The following ARAP2 variants were observed in gnomAD, a reference collection of about 807,000 sequenced individuals.
ARAP2 encodes ArfGAP with RhoGAP domain, ankyrin repeat and PH domain 2, also known as arf-GAP with Rho-GAP domain, ANK repeat and PH domain-containing protein 2.
Under a neutral mutation model 194.5 loss-of-function variants are expected in ARAP2, and 148 were observed. That is an observed-to-expected ratio of 0.76 (90% CI 0.67 to 0.87). The LOEUF is 0.87. ARAP2 is among the 40% of genes least tolerant of loss of function. ARAP2 has a pLI of 0.00. For synonymous variants in ARAP2, 695 were observed against 683.5 expected (o/e 1.02, Z -0.26); for missense variants, 2,128 against 1,989.7 (o/e 1.07, Z -1.32).
At chr4:36,093,235 A>T (rs1714225247) in intron 27 of ARAP2, among the ~76,000 whole-genome samples, 5 of 152,118 alleles carry the variant, frequency 3.3e-5, no homozygotes. Context: ...GGAGAGAATC[A>T]GGAAAAGTAA....
chr4:36,217,105 T>C (rs1748095802), intron 2 of ARAP2, among the ~76,000 whole-genome samples: 3 of 152,220 alleles, frequency 2.0e-5, no homozygotes, highest in Admixed American at 2.0e-4. Context: ...TGTTTATTGT[T>C]TGTGGTAAAA....
At position 36,213,087 on chromosome 4, in the gene ARAP2, A is replaced by G. The variant is rs566456365; in HGVS notation, c.1041+156T>C. ...ATGTATATTGAAAGAGACAGATTTT[A>G]CCATAATTTTACTGAACAAAAATTT... On this transcript the variant is annotated intron_variant, in intron 4 of 32. Transcript: ENST00000303965. Among the ~76,000 whole-genome samples the G allele has an allele frequency of 8.1e-4, 123 of 152,100 alleles. 1 individual carries two copies. Among genetic ancestry groups the G allele is most frequent in the Non-Finnish European group, 1.5e-3 (105 of 67,934 alleles).
intron 6 of ARAP2, among the ~76,000 whole-genome samples, chr4:36,204,853 G>C (rs1461589808): frequency 5.9e-5 from 9 of 151,768 alleles, no homozygotes; most frequent in Admixed American, 5.9e-4. Flanking sequence ...GCCAGGTGTG[G>C]TGGCAGGCGC....
chr4:36,014,229 GAAAGAAAGAAAGAAAGAAAGAAAGA>G lies in ARAP2; in HGVS notation n.1056+1132_1056+1156del, dbSNP rs1560263695. Among the ~76,000 whole-genome samples, 28 of 31,082 alleles carry G rather than the reference GAAAGAAAGAAAGAAAGAAAGAAAGA, an allele frequency of 9.0e-4. 1 individual carries two copies. The highest frequency in any genetic ancestry group is 1.7e-3 in the African/African-American group (27 of 15,492). The allele number at this position is 31,082 out of a possible 152,430, so 20.4% of individuals were successfully genotyped here. ...GTGACAAAGTGAGACCCTATCGAAA[GAAAGAAAGAAAGAAAGAAAGAAAGA>G]AAGAAAGAAAGAAAGAAAGAAAGAA... On this transcript the variant is annotated intron_variant and non_coding_transcript_variant, in intron 8 of 12. Coordinates refer to the ARAP2 transcript ENST00000503225.
At chr4:36,085,540 T>C (rs773107974) in intron 28 of ARAP2, among the ~76,000 whole-genome samples, 3 of 152,098 alleles carry the variant, frequency 2.0e-5, no homozygotes, top group Non-Finnish European at 4.4e-5. Context: ...CACTGCACCA[T>C]TGCTCTTTGT....
intron 1 of ARAP2, among the ~76,000 whole-genome samples, chr4:36,059,686 G>A (rs1237984334): frequency 6.6e-6 from 1 of 152,104 alleles, no homozygotes; most frequent in East Asian, 1.9e-4. Context: ...CCCAGTAAAG[G>A]AACTGAGAAG....
In ARAP2 at chr4:36,231,539, C is replaced by T. The variant is rs1449816162; in HGVS notation, c.-159-1894G>A. On this transcript the variant is annotated intron_variant, in intron 1 of 32. Coordinates refer to ENST00000303965, the MANE Select transcript of ARAP2 (RefSeq NM_015230.4). ...CAATAAGTGGACATAATGTATTCAGCCACTTTAGAATTTACAAACATGATA... is the reference window on the plus strand; with the variant it reads ...CAATAAGTGGACATAATGTATTCAGTCACTTTAGAATTTACAAACATGATA... Among the ~76,000 whole-genome samples, 6 of 152,116 alleles carry T rather than the reference C, an allele frequency of 3.9e-5. No individual in the cohort carries two copies. In the East Asian group the frequency reaches 9.7e-4, roughly 24 times the overall value.
At chr4:36,217,516 G>A (rs777819009) in intron 2 of ARAP2, among the ~76,000 whole-genome samples, 8 of 151,878 alleles carry the variant, frequency 5.3e-5, no homozygotes, top group Admixed American at 2.6e-4. Context: ...GGGAGACAGC[G>A]TCTCAAAAAT....
At chr4:36,021,734 T>C (rs1054866478) in intron 5 of ARAP2, among the ~76,000 whole-genome samples, 2 of 151,428 alleles carry the variant, frequency 1.3e-5, no homozygotes, top group African/African-American at 2.4e-5. Context: ...GGATATGTGA[T>C]ACATTGAACA....
At chr4:36,197,558 G>A (rs1743390791) in intron 6 of ARAP2, among the ~76,000 whole-genome samples, 1 of 152,202 alleles carries the variant, frequency 6.6e-6, no homozygotes, top group African/African-American at 2.4e-5. Flanking sequence ...CCTGAGTTCT[G>A]CTCTGGCCCA....
At chr4:36,172,266 T>G (rs1736830329) in intron 9 of ARAP2, among the ~76,000 whole-genome samples, 1 of 152,316 alleles carries the variant, frequency 6.6e-6, no homozygotes, top group South Asian at 2.1e-4. Flanking sequence ...GAATCGAAGC[T>G]GACCCATTTA....
At chr4:36,163,385 G>C (rs575363443) in intron 11 of ARAP2, among the ~76,000 whole-genome samples, 9 of 152,148 alleles carry the variant, frequency 5.9e-5, no homozygotes, top group Non-Finnish European at 1.2e-4. Context: ...AAGATAGTAA[G>C]TGACCACACC....
intron 26 of ARAP2, among the ~76,000 whole-genome samples, chr4:36,108,035 T>G (rs1271843335): frequency 2.0e-5 from 3 of 151,962 alleles, no homozygotes; most frequent in African/African-American, 7.2e-5. Flanking sequence ...TACATTATTA[T>G]TATTATTATT....
chr4:36,177,164 T>G (rs1738131200), intron 9 of ARAP2, among the ~76,000 whole-genome samples: 1 of 152,136 alleles, frequency 6.6e-6, no homozygotes. Context: ...GTTAAAATTT[T>G]AGTTTACCAT....
chr4:36,133,471 C>A, intron 19 of ARAP2, 82 bp from the exon 20 acceptor site: 2 of 1,255,480 alleles, frequency 1.6e-6, no homozygotes, highest in South Asian at 2.9e-5. Flanking sequence ...ACCCTAAAAT[C>A]CACACAATCA....
Position 36,102,173 on chromosome 4 carries a change from C to G in ARAP2, c.4285+5392G>C, listed in dbSNP as rs115050031. Among the ~76,000 whole-genome samples the G allele has an allele frequency of 5.2e-3, 796 of 152,070 alleles. 7 individuals carry two copies. The highest frequency in any genetic ancestry group is 0.018 in the African/African-American group (735 of 41,542). On this transcript the variant is annotated intron_variant, in intron 27 of 32. Transcript: ENST00000303965. ...TTAGGTTTAGGTATTTAGTTCCCTT[C>G]TAGACATATATCCTCAAACACACGT...
chr4:36,199,523 C>T (rs1270046724), intron 6 of ARAP2, among the ~76,000 whole-genome samples: 5 of 152,120 alleles, frequency 3.3e-5, no homozygotes, highest in Non-Finnish European at 4.4e-5. Context: ...AATTCCTGAC[C>T]TCATGATCTG....
intron 21 of ARAP2, among the ~76,000 whole-genome samples, chr4:36,127,462 T>C (rs2109579046): frequency 6.6e-6 from 1 of 152,156 alleles, no homozygotes; most frequent in East Asian, 1.9e-4. Flanking sequence ...ACTAGGGTCA[T>C]TCTTGGGATA....
chr4:36,167,838 A>G (rs1191283622), intron 9 of ARAP2, among the ~76,000 whole-genome samples: 1 of 152,172 alleles, frequency 6.6e-6, no homozygotes, highest in African/African-American at 2.4e-5. Flanking sequence ...AAAGTTTGCA[A>G]TACATCATCT....
Sources: allele counts gnomAD v4.1 joint callset (sites outside exome capture counted in the v4.1 genomes callset), GRCh38; gene constraint gnomAD v4.1.1; transcripts MANE v1.5; gene names NCBI Gene and HGNC (gene_info 2026-07-23, HGNC 2026-07-21).